B3GNT3: variants seen among roughly 807,000 people sequenced by gnomAD.
B3GNT3 encodes N-acetyllactosaminide beta-1,3-N-acetylglucosaminyltransferase 3.
B3GNT3 carries 7 observed loss-of-function variants against 11.6 expected under a neutral mutation model. The ratio of observed to expected loss-of-function variants is 0.60; its 90% confidence interval spans 0.34 to 1.13. The LOEUF (loss-of-function observed/expected upper bound fraction) is 1.13. Ranked by LOEUF, B3GNT3 falls within the 50% of genes most tolerant of loss-of-function variation. The pLI is 0.03. For synonymous variants in B3GNT3, 201 were observed against 222.1 expected (o/e 0.90, Z 0.85); for missense variants, 400 against 507.4 (o/e 0.79, Z 2.03).
At chr19:17,802,853 C>CT (rs796924754) in intron 1 of B3GNT3, among the ~76,000 whole-genome samples, 4,476 of 150,714 alleles carry the variant, frequency 0.03, 212 homozygotes, top group African/African-American at 0.1. Flanking sequence ...AATTTTTTTA[C>CT]TTTTTTTTTT....
intron 2 of B3GNT3, 62 bp downstream of exon 2, chr19:17,808,436 A>T: frequency 6.7e-7 from 1 of 1,485,288 alleles, no homozygotes; most frequent in Non-Finnish European, 9.1e-7. Context: ...ATTACCACCC[A>T]CTCCTGAGGG....
intron 1 of B3GNT3, among the ~76,000 whole-genome samples, chr19:17,807,250 G>A (rs1229755814): frequency 2.6e-5 from 4 of 151,772 alleles, no homozygotes; most frequent in Non-Finnish European, 4.4e-5. Flanking sequence ...AGCCCTTTGG[G>A]AGGCCGAGGC....
chr19:17,808,014 C>T lies in B3GNT3; in HGVS notation c.207C>T (p.Thr69=). 6.2e-7 allele frequency: 1 copy of T among 1,612,714 alleles called. No individual in the cohort carries two copies. Among genetic ancestry groups the T allele is most frequent in the Non-Finnish European group, 8.5e-7 (1 of 1,179,606 alleles). ...GCCATGCCAACACCTCTATGGTCACCCACCCGGACTTCGCCACGCAGCCGC... is the reference window on the plus strand; with the variant it reads ...GCCATGCCAACACCTCTATGGTCACTCACCCGGACTTCGCCACGCAGCCGC... ...APCHANTSMV[T]HPDFATQPQH... Residue 69 remains threonine, a synonymous_variant, in exon 2 of 3, where the codon ACC becomes ACT. Coordinates refer to ENST00000318683, the MANE Select transcript of B3GNT3 (RefSeq NM_014256.4).
intron 1 of B3GNT3, among the ~76,000 whole-genome samples, chr19:17,801,162 C>T (rs952835482): frequency 6.6e-6 from 1 of 151,976 alleles, no homozygotes; most frequent in Non-Finnish European, 1.5e-5. Context: ...ATGTTCAGTA[C>T]TTCACTAACA....
At chr19:17,804,555 T>TTTTTTTTG (rs2094170680) in intron 1 of B3GNT3, among the ~76,000 whole-genome samples, 1 of 141,630 alleles carries the variant, frequency 7.1e-6, no homozygotes, top group Non-Finnish European at 1.5e-5. Context: ...TTTTTTTTTT[T>TTTTTTTTG]GAGACATAGT....
In B3GNT3 at chr19:17,811,441, C is replaced by G. The variant is rs2094180536; in HGVS notation, c.568-130C>G. 2 of 925,694 alleles carry G rather than the reference C, an allele frequency of 2.2e-6. No homozygotes were observed. The highest frequency in any genetic ancestry group is 3.2e-6 in the Non-Finnish European group (2 of 631,006). 57.3% of individuals were successfully genotyped at this position (925,694 alleles called of 1,614,324 possible). ...GGGTTTCCCAAGTAACCCCACAGGG[C>G]AGGGCCTTAACCCAGGCTGGATTGT... On this transcript the variant is annotated intron_variant, in intron 2 of 2. Coordinates refer to ENST00000318683, the MANE Select transcript of B3GNT3 (RefSeq NM_014256.4). This position sits in a 1 kb window ranked among gnomAD's most constrained non-coding sequence, Gnocchi z 4.1.
At chr19:17,806,589 G>A (rs1287623961) in intron 1 of B3GNT3, among the ~76,000 whole-genome samples, 1 of 152,110 alleles carries the variant, frequency 6.6e-6, no homozygotes, top group East Asian at 1.9e-4. Context: ...AGGCCCTGAG[G>A]TGTTGGAAGG....
intron 2 of B3GNT3, among the ~76,000 whole-genome samples, chr19:17,809,100 C>G (rs1204067187): frequency 6.6e-6 from 1 of 151,996 alleles, no homozygotes; most frequent in African/African-American, 2.4e-5. Flanking sequence ...TCCCAAAGTG[C>G]TGGGATTACA....
In B3GNT3 at chr19:17,811,556, C is replaced by A; in HGVS notation, c.568-15C>A. On this transcript the variant is annotated splice_polypyrimidine_tract_variant and intron_variant, in intron 2 of 2. Coordinates refer to ENST00000318683, the MANE Select transcript of B3GNT3 (RefSeq NM_014256.4). The surrounding 1 kb of genome is among the most constrained non-coding windows in gnomAD (Gnocchi z 4.1). ...CAGCCCTCAAGCAAGCATGCCCTGT[C>A]CACCCTGCCTGCAGGTCCTGTTCTT... The A allele has an allele frequency of 6.3e-7, 1 of 1,599,902 alleles. No homozygotes were observed. Among genetic ancestry groups the A allele is most frequent in the Non-Finnish European group, 8.5e-7 (1 of 1,171,684 alleles).
chr19:17,807,064 C>A (rs2147651794), intron 1 of B3GNT3, among the ~76,000 whole-genome samples: 1 of 150,142 alleles, frequency 6.7e-6, no homozygotes, highest in Admixed American at 6.7e-5. Context: ...GGTCACCACA[C>A]AGCTAATATG....
rs773673771 is a variant in B3GNT3 at position 17,811,664 on chromosome 19, G to A, written c.661G>A (p.Val221Ile). The A allele has an allele frequency of 1.5e-5, 24 of 1,614,122 alleles. No homozygotes were observed. The African/African-American group carries it at 1.7e-4, about 12-fold the overall frequency. ...DDVFAHTDNMVFYLQDHDPGR... is the reference protein window; with the variant it reads ...DDVFAHTDNMIFYLQDHDPGR... ...CGTCTTTGCACACACAGACAACATG[G>A]TCTTCTACCTGCAGGACCATGACCC... is the stretch of plus-strand genomic sequence containing the variant. The change falls in exon 3 of 3, where the codon GTC becomes ATC. Residue 221 changes from valine to isoleucine, a missense_variant. Transcript: ENST00000318683. The surrounding 1 kb of genome is among the most constrained non-coding windows in gnomAD (Gnocchi z 4.1).
In B3GNT3 at chr19:17,810,610, G is replaced by A. The variant is rs192905151; in HGVS notation, c.568-961G>A. ...GTTAACAATCACACAGGTCAGGCAC[G>A]GTGGCTCACACCTGTAATCCCAGCA... On this transcript the variant is annotated intron_variant, in intron 2 of 2. Coordinates refer to ENST00000318683, the MANE Select transcript of B3GNT3 (RefSeq NM_014256.4). Among the ~76,000 whole-genome samples, 46 of 150,600 alleles carry A rather than the reference G, an allele frequency of 3.1e-4. 1 individual carries two copies. Among genetic ancestry groups the A allele is most frequent in the Admixed American group, 2.8e-3 (42 of 15,062 alleles).
Position 17,812,098 on chromosome 19 carries a change from C to T in B3GNT3, c.1095C>T (p.Cys365=), listed in dbSNP as rs150000648. ...WDALNQPNLT[C]GNQTQIY is the part of the protein sequence containing the mutation. ...CGCTGAACCAGCCCAACCTCACCTG[C>T]GGCAATCAGACACAGATCTACTGAG... is the stretch of plus-strand genomic sequence containing the variant. The change falls in exon 3 of 3, where the codon TGC becomes TGT. Residue 365 remains cysteine, a synonymous_variant. Transcript: ENST00000318683. 248 of 1,596,876 alleles carry T rather than the reference C, an allele frequency of 1.6e-4. No homozygotes were observed. In the East Asian group the frequency reaches 4.8e-3, roughly 31 times the overall value.
rs181788478 is a variant in B3GNT3, at chr19:17,813,173, C to T, written c.*1051C>T. Reference sequence around the variant, plus strand: ...GTCTCATTTTCCAGTAGAAAATATACACTGGTAAAAACGGGGCATGGGGCC... The same window carrying T: ...GTCTCATTTTCCAGTAGAAAATATATACTGGTAAAAACGGGGCATGGGGCC... On this transcript the variant is annotated 3_prime_UTR_variant, in exon 3 of 3. Transcript: ENST00000318683. 2.0e-5 allele frequency: 3 copies of T among 151,772 alleles called. No individual in the cohort carries two copies. The highest frequency in any genetic ancestry group is 4.4e-5 in the Non-Finnish European group (3 of 67,962). 9.4% of individuals were successfully genotyped at this position (151,772 alleles called of 1,614,324 possible). A position where few individuals can be genotyped will look rare whatever the true frequency, so the allele number is the denominator to read the frequency against.
chr19:17,797,998 G>A (rs1428255444), intron 1 of B3GNT3, among the ~76,000 whole-genome samples: 1 of 152,188 alleles, frequency 6.6e-6, no homozygotes, highest in Non-Finnish European at 1.5e-5. Flanking sequence ...TCAGTCGGCT[G>A]TGTGACCTTG....
At chr19:17,804,240 C>CTTTTTTTTTTTTTTTTTTTTTTCT in intron 1 of B3GNT3, among the ~76,000 whole-genome samples, 1 of 112,188 alleles carries the variant, frequency 8.9e-6, no homozygotes, top group Non-Finnish European at 1.8e-5. Context: ...TCTTTTTTTT[C>CTTTTTTTTTTTTTTTTTTTTTTCT]TTTTTTTTTT....
intron 1 of B3GNT3, among the ~76,000 whole-genome samples, chr19:17,799,109 TC>T (rs1483578261): frequency 1.7e-4 from 26 of 152,154 alleles, no homozygotes; most frequent in Admixed American, 1.7e-3. Context: ...ACGGGATTCT[TC>T]CAGAAGCTTC....
chr19:17,803,040 A>G (rs971963505), intron 1 of B3GNT3, among the ~76,000 whole-genome samples: 5 of 150,020 alleles, frequency 3.3e-5, no homozygotes, highest in Admixed American at 1.3e-4. Context: ...GAATCTGGCT[A>G]TATTGCCCAG....
At chr19:17,795,509 C>T (rs1182026473) in intron 1 of B3GNT3, among the ~76,000 whole-genome samples, 1 of 152,234 alleles carries the variant, frequency 6.6e-6, no homozygotes, top group Non-Finnish European at 1.5e-5. Context: ...GCGGATGCCG[C>T]TTAGTCAGAC....
Sources: gnomAD v4.1 joint callset for allele counts (sites outside exome capture counted in the v4.1 genomes callset) on GRCh38, gnomAD v4.1.1 for gene constraint, Gnocchi (gnomAD v3.1) non-coding constraint, MANE v1.5 for transcripts, NCBI Gene and HGNC (gene_info 2026-07-23, HGNC 2026-07-21) for gene names.